Variants in STOX2 observed in about 807,000 individuals in gnomAD.
The protein encoded by STOX2 is storkhead-box protein 2.
STOX2 carries 28 observed loss-of-function variants against 60.9 expected under a neutral mutation model. The ratio of observed to expected loss-of-function variants is 0.46; its 90% CI spans 0.34 to 0.63. The LOEUF is 0.63. Ranked by LOEUF, STOX2 falls within the 30% of genes least tolerant of loss-of-function variation. The pLI is 0.01. For missense variants in STOX2, 1,024 were observed against 1,187.7 expected (o/e 0.86, Z 2.03); for synonymous variants, 472 against 463.9 (o/e 1.02, Z -0.22).
At chr4:183,875,120 G>A (rs992880227) in intron 1 of STOX2, among the ~76,000 whole-genome samples, 1 of 150,480 alleles carries the variant, frequency 6.6e-6, no homozygotes, top group African/African-American at 2.4e-5. Flanking sequence ...TGCAGACTTA[G>A]TGGCCCTGGG....
intron 1 of STOX2, among the ~76,000 whole-genome samples, chr4:183,993,024 G>C (rs545959515): frequency 6.6e-6 from 1 of 152,296 alleles, no homozygotes; most frequent in Non-Finnish European, 1.5e-5. Flanking sequence ...ATAGCTAAAT[G>C]GTCCAACAGA....
At chr4:183,829,503 A>G (rs552142460) in intron 1 of STOX2, among the ~76,000 whole-genome samples, 1 of 152,304 alleles carries the variant, frequency 6.6e-6, no homozygotes, top group African/African-American at 2.4e-5. Flanking sequence ...GCGCCAGATT[A>G]TTTAATGCTC....
chr4:183,942,354 T>A (rs560574576), intron 1 of STOX2, among the ~76,000 whole-genome samples: 3,939 of 140,918 alleles, frequency 0.028, 168 homozygotes, highest in African/African-American at 0.095. Context: ...TTTTTTTTTT[T>A]AGACAAAACC....
At chr4:183,907,046 G>T (rs1369288552) in intron 1 of STOX2, 90 bp downstream of exon 1, 6 of 1,134,500 alleles carry the variant, frequency 5.3e-6, no homozygotes, top group Middle Eastern at 2.1e-4. Context: ...GAGAGGACGG[G>T]CAGTGATGGA....
At position 183,877,148 on chromosome 4, in the gene STOX2, G is replaced by A. The variant is rs139030481; in HGVS notation, c.364+79093G>A. ...AAATTATATGTGGGCAGAATTTGCT[G>A]AGTCTTCCATCTTTGGGATAAAAAC... On this transcript the variant is annotated intron_variant, in intron 1 of 2. Transcript: ENST00000513034. 1.7e-3 allele frequency among the ~76,000 whole-genome samples: 258 copies of A among 152,326 alleles called. 4 individuals carry two copies. Among genetic ancestry groups the A allele is most frequent in the African/African-American group, 5.9e-3 (244 of 41,566 alleles).
intron 1 of STOX2, among the ~76,000 whole-genome samples, chr4:183,858,342 C>T (rs935023154): frequency 6.6e-6 from 1 of 152,248 alleles, no homozygotes; most frequent in Non-Finnish European, 1.5e-5. Context: ...GGGAGTCCCA[C>T]TACAGCTCTA....
intron 1 of STOX2, among the ~76,000 whole-genome samples, chr4:183,983,649 T>A (rs1197883620): frequency 6.6e-6 from 1 of 152,184 alleles, no homozygotes; most frequent in Non-Finnish European, 1.5e-5. Flanking sequence ...CTTATAAATG[T>A]TTTTGGAGAA....
At chr4:183,913,728 C>G (rs11732366) in intron 1 of STOX2, among the ~76,000 whole-genome samples, 80,733 of 151,754 alleles carry the variant, frequency 0.53, 21,883 homozygotes, top group East Asian at 0.64. Flanking sequence ...CTGAGATCGC[C>G]TCACTGCACT....
intron 1 of STOX2, among the ~76,000 whole-genome samples, chr4:183,914,995 T>C (rs1442601706): frequency 3.3e-5 from 5 of 152,256 alleles, no homozygotes; most frequent in Non-Finnish European, 5.9e-5. Context: ...GCCAGCTATG[T>C]AAATAATGTA....
At chr4:183,938,836 T>A (rs192291481) in intron 1 of STOX2, among the ~76,000 whole-genome samples, 3 of 152,300 alleles carry the variant, frequency 2.0e-5, no homozygotes, top group Middle Eastern at 3.4e-3. Flanking sequence ...TTCGAATTTT[T>A]TCCAGCCTTG....
At chr4:183,822,666 G>A (rs1228583959) in intron 1 of STOX2, among the ~76,000 whole-genome samples, 3 of 152,214 alleles carry the variant, frequency 2.0e-5, no homozygotes, top group Non-Finnish European at 4.4e-5. Flanking sequence ...TCTGAGCGAT[G>A]GGGAGCAGCT....
chr4:183,837,689 C>A (rs1450707167), intron 1 of STOX2, among the ~76,000 whole-genome samples: 3 of 152,026 alleles, frequency 2.0e-5, no homozygotes, highest in Non-Finnish European at 4.4e-5. Flanking sequence ...GAACTCCTGG[C>A]CTCAAGTGAT....
intron 1 of STOX2, among the ~76,000 whole-genome samples, chr4:183,995,341 A>G (rs993872345): frequency 7.7e-6 from 1 of 130,372 alleles, no homozygotes; most frequent in African/African-American, 3.0e-5. Context: ...TAGAACCGAG[A>G]TAAGAACAGT....
chr4:183,978,434 G>T (rs770660280), intron 1 of STOX2, among the ~76,000 whole-genome samples: 10 of 152,020 alleles, frequency 6.6e-5, no homozygotes, highest in Admixed American at 2.6e-4. Flanking sequence ...TTATTTCTTG[G>T]TTCTCTATTC....
At chr4:183,893,109 CTTT>C in intron 1 of STOX2, among the ~76,000 whole-genome samples, 1 of 145,946 alleles carries the variant, frequency 6.9e-6, no homozygotes, top group African/African-American at 2.5e-5. Flanking sequence ...GTCCAACTTT[CTTT>C]TTTTTTTTTT....
At chr4:183,971,447 G>T (rs9998177) in intron 1 of STOX2, among the ~76,000 whole-genome samples, 7,197 of 152,286 alleles carry the variant, frequency 0.047, 573 homozygotes, top group African/African-American at 0.16. Context: ...TGATGACAAA[G>T]CTCATTAGTA....
chr4:183,983,505 G>A (rs1469663450), intron 1 of STOX2, among the ~76,000 whole-genome samples: 1 of 152,224 alleles, frequency 6.6e-6, no homozygotes, highest in Non-Finnish European at 1.5e-5. Context: ...TCCCCGACTG[G>A]TGCAGTCTTG....
At chr4:183,909,705 A>G (rs1741724434) in intron 1 of STOX2, among the ~76,000 whole-genome samples, 1 of 152,222 alleles carries the variant, frequency 6.6e-6, no homozygotes, top group African/African-American at 2.4e-5. Flanking sequence ...CTTTTGGTCT[A>G]GCATCCCGTA....
At chr4:183,909,862 C>G (rs541271685) in intron 1 of STOX2, among the ~76,000 whole-genome samples, 161 of 152,314 alleles carry the variant, frequency 1.1e-3, no homozygotes, top group African/African-American at 3.2e-3. Flanking sequence ...TAGCCTTGGC[C>G]TTTCCGATAC....
Sources: gnomAD v4.1 joint callset for allele counts (sites outside exome capture counted in the v4.1 genomes callset) on GRCh38, gnomAD v4.1.1 for gene constraint, MANE v1.5 for transcripts, NCBI Gene and HGNC (gene_info 2026-07-23, HGNC 2026-07-21) for gene names.